Variants in DNMT1 observed in about 807,000 individuals in gnomAD.
DNMT1 encodes the protein DNA (cytosine-5)-methyltransferase 1.
A neutral mutation model predicts 205.3 loss-of-function variants in DNMT1; 24 were observed. The observed-to-expected ratio is 0.12, with a 90% CI of 0.08 to 0.16. DNMT1 has a LOEUF of 0.16. DNMT1 is among the 10% of genes least tolerant of loss of function. DNMT1 has a pLI of 1.00. For missense variants in DNMT1, 1,293 were observed against 2,177.7 expected, an observed-to-expected ratio of 0.59 and a Z score of 8.09; for synonymous variants, 817 against 839.8, an observed-to-expected ratio of 0.97 and a Z score of 0.47.
Position 10,154,287 on chromosome 19 carries a change from G to T in DNMT1, c.2019+6C>A. Reference sequence around the variant, plus strand: ...GGGGAGCGGGAGCACCCACAGGTGAGGTTACCTCACAGACGCCACATCGCC... The same window carrying T: ...GGGGAGCGGGAGCACCCACAGGTGATGTTACCTCACAGACGCCACATCGCC... On this transcript the variant is annotated splice_donor_region_variant and intron_variant, in intron 22 of 40. Transcript: ENST00000359526. This position sits in a 1 kb window ranked among gnomAD's most constrained non-coding sequence, Gnocchi z 6.3. 6.2e-7 allele frequency: 1 copy of T among 1,614,008 alleles called. No individual in the cohort carries two copies. Among genetic ancestry groups the T allele is most frequent in the Non-Finnish European group, 8.5e-7 (1 of 1,179,900 alleles).
chr19:10,157,224 G>A (rs949558515), intron 17 of DNMT1, among the ~76,000 whole-genome samples: 5 of 151,950 alleles, frequency 3.3e-5, no homozygotes, highest in Admixed American at 6.6e-5. Context: ...CCCAGCCCCC[G>A]GCAACCACCA....
In DNMT1 at chr19:10,151,537, T is replaced by C. The variant is rs1336324296; in HGVS notation, c.2126A>G (p.Asn709Ser). The C allele has an allele frequency of 1.2e-6, 2 of 1,613,882 alleles. No individual in the cohort carries two copies. The highest frequency in any genetic ancestry group is 1.7e-6 in the Non-Finnish European group (2 of 1,180,030). Reference sequence around the variant, plus strand: ...GTCATCTGCCTCCTTCATGGCCATATTGGGACACCTGCAATGTCACTGGTT... The same window carrying C: ...GTCATCTGCCTCCTTCATGGCCATACTGGGACACCTGCAATGTCACTGGTT... Reference protein sequence around the residue: ...KQACQERRCPNMAMKEADDDE... With the variant: ...KQACQERRCPSMAMKEADDDE... The change falls in exon 24 of 41, where the codon AAT becomes AGT. Residue 709 changes from asparagine (N) to serine (S), a missense_variant. Transcript: ENST00000359526. The surrounding 1 kb of genome is among the most constrained non-coding windows in gnomAD (Gnocchi z 5.0).
At chr19:10,160,181 C>G (rs1043133188) in intron 14 of DNMT1, 118 bp from the exon 15 acceptor site, 93 of 1,572,434 alleles carry the variant, frequency 5.9e-5, no homozygotes, top group Non-Finnish European at 6.5e-5. Flanking sequence ...CCGGCTGTGG[C>G]AGTGAGGCCC....
intron 22 of DNMT1, among the ~76,000 whole-genome samples, chr19:10,152,070 G>T (rs150998823): frequency 7.7e-4 from 105 of 135,612 alleles, no homozygotes; most frequent in African/African-American, 2.7e-3. Flanking sequence ...TGAGGCAGGA[G>T]AATTGCCTGA....
At chr19:10,181,947 C>G in intron 2 of DNMT1, 94 bp downstream of exon 2, 2 of 1,174,406 alleles carry the variant, frequency 1.7e-6, no homozygotes, top group Non-Finnish European at 2.5e-6. Flanking sequence ...GGAAAAAATG[C>G]AAAATCCATT....
rs1420055897 is a variant in DNMT1, at chr19:10,151,500, G to A, written c.2163C>T (p.Val721=). 3.7e-6 allele frequency: 6 copies of A among 1,613,808 alleles called. No individual in the cohort carries two copies. The highest frequency in any genetic ancestry group is 4.2e-6 in the Non-Finnish European group (5 of 1,180,016). The change falls in exon 24 of 41, where the codon GTC becomes GTT. Residue 721 remains valine (V), a synonymous_variant. Transcript: ENST00000359526. The surrounding 1 kb of genome is among the most constrained non-coding windows in gnomAD (Gnocchi z 5.0). The stretch of plus-strand genomic sequence containing the variant: ...ACGGCATCTCTGGGATGTTATCATC[G>A]ACTTCCTCATCGTCATCTGCCTCCT... ...AMKEADDDEE[V]DDNIPEMPSP...
At chr19:10,143,706 T>G in intron 29 of DNMT1, 60 bp downstream of exon 29, 1 of 1,596,062 alleles carries the variant, frequency 6.3e-7, no homozygotes, top group South Asian at 1.1e-5. Flanking sequence ...CAACCTTGTT[T>G]CAGGCAGAGC....
At chr19:10,173,239 T>G (rs1396392428) in intron 8 of DNMT1, 65 bp from the exon 9 acceptor site, 2 of 1,525,646 alleles carry the variant, frequency 1.3e-6, no homozygotes, top group Admixed American at 3.4e-5. Context: ...GAAGCAGTTT[T>G]CATAAAGCTC....
rs1054795751 is a variant in DNMT1, at chr19:10,151,620, G to C, written c.2118-75C>G. 5.6e-6 allele frequency: 9 copies of C among 1,610,304 alleles called. No homozygotes were observed. The South Asian group carries it at 9.9e-5, about 18-fold the overall frequency. On this transcript the variant is annotated intron_variant, in intron 23 of 40. Coordinates refer to ENST00000359526, the MANE Select transcript of DNMT1 (RefSeq NM_001130823.3). The surrounding 1 kb of genome is among the most constrained non-coding windows in gnomAD (Gnocchi z 5.0). ...CCGGGGCTGTTTTCTTCATAACAGG[G>C]ACAGGTCCTGAGACAATGCCTAACG... is the stretch of plus-strand genomic sequence containing the variant.
chr19:10,179,990 TAA>T (rs76071650), intron 5 of DNMT1, 195 bp downstream of exon 5: 2,946 of 180,242 alleles, frequency 0.016, no homozygotes, highest in South Asian at 0.034. Flanking sequence ...ACTCTGTCAT[TAA>T]AAAAAAAAAA....
intron 39 of DNMT1, chr19:10,135,388 C>T (rs769861203): frequency 1.4e-4 from 52 of 371,684 alleles, no homozygotes; most frequent in Admixed American, 1.9e-4. Flanking sequence ...TAAGCCAACC[C>T]GACACCTGAG....
At chr19:10,145,979 C>CCACCA (rs2038191253) in intron 28 of DNMT1, among the ~76,000 whole-genome samples, 1 of 152,094 alleles carries the variant, frequency 6.6e-6, no homozygotes, top group Non-Finnish European at 1.5e-5. Context: ...CAGGCGCGCA[C>CCACCA]CACCACACCC....
At chr19:10,167,776 G>A (rs2038726129) in intron 10 of DNMT1, among the ~76,000 whole-genome samples, 1 of 152,134 alleles carries the variant, frequency 6.6e-6, no homozygotes, top group South Asian at 2.1e-4. Context: ...CTCACCTGAT[G>A]GCCTTTCACT....
At chr19:10,139,646 C>G in intron 34 of DNMT1, 30 bp downstream of exon 34, 1 of 1,607,438 alleles carries the variant, frequency 6.2e-7, no homozygotes, top group Non-Finnish European at 8.5e-7. Context: ...CTGGCCACAT[C>G]TGTCTGCCCG....
At position 10,138,392 on chromosome 19, in the gene DNMT1, CT is replaced by C; in HGVS notation, c.4115+46del. 1.2e-6 allele frequency: 2 copies of C among 1,613,004 alleles called. No individual in the cohort carries two copies. Among genetic ancestry groups the C allele is most frequent in the Non-Finnish European group, 1.7e-6 (2 of 1,179,880 alleles). On this transcript the variant is annotated intron_variant, in intron 35 of 40. Transcript: ENST00000359526. The surrounding 1 kb of genome is among the most constrained non-coding windows in gnomAD (Gnocchi z 4.1). ...GAGTACTCACGGGCCCCATGAGCTA[CT>C]GAGGCCTGCTCGGCAGTGTGTGGAG...
chr19:10,162,586 C>T (rs571530997), intron 13 of DNMT1, 81 bp downstream of exon 13: 3 of 1,458,010 alleles, frequency 2.1e-6, no homozygotes, highest in East Asian at 4.7e-5. Context: ...TTCCTAAGAC[C>T]AGCCTGGGCA....
rs370681516 is a variant in DNMT1, at chr19:10,137,769, C to G, written c.4293+63G>C. ...CTCCCCTGAGTCTTGGGCAGGCTGA[C>G]TGTTCCCACGAGGCTGCTGGGCTGG... On this transcript the variant is annotated intron_variant, in intron 36 of 40. Coordinates refer to ENST00000359526, the MANE Select transcript of DNMT1 (RefSeq NM_001130823.3). This position sits in a 1 kb window ranked among gnomAD's most constrained non-coding sequence, Gnocchi z 6.4. 1.3e-4 allele frequency: 200 copies of G among 1,580,726 alleles called. No individual in the cohort carries two copies. The highest frequency in any genetic ancestry group is 1.7e-4 in the Non-Finnish European group (194 of 1,163,584).
intron 28 of DNMT1, among the ~76,000 whole-genome samples, chr19:10,145,805 G>A (rs756956416): frequency 5.3e-5 from 8 of 152,056 alleles, no homozygotes; most frequent in African/African-American, 1.4e-4. Flanking sequence ...GCTGTCCCTC[G>A]CGCTTTATCC....
chr19:10,193,729 A>G (rs541733092), intron 1 of DNMT1, among the ~76,000 whole-genome samples: 3 of 152,232 alleles, frequency 2.0e-5, no homozygotes, highest in East Asian at 3.9e-4. Flanking sequence ...TCCCTCCCCA[A>G]AGACCCAAAT....
Sources: allele counts gnomAD v4.1 joint callset (sites outside exome capture counted in the v4.1 genomes callset), GRCh38; gene constraint gnomAD v4.1.1; non-coding constraint Gnocchi (gnomAD v3.1); transcripts MANE v1.5; gene names NCBI Gene and HGNC (gene_info 2026-07-23, HGNC 2026-07-21).